DRC11: variants seen among roughly 807,000 people sequenced by gnomAD.
DRC11 encodes the protein dynein regulatory complex subunit 11, also known as IQ and AAA domain-containing protein 1.
At chr2:236,406,241 T>C in the DRC11 span, among the ~76,000 whole-genome samples, 11 of 152,358 alleles carry the variant, frequency 7.2e-5, no homozygotes, top group Non-Finnish European at 1.6e-4. The surrounding 1 kb of genome is among the most constrained non-coding windows in gnomAD (Gnocchi z 4.7). Context: ...CAGTCAGAGA[T>C]AAACCGTGCG....
At chr2:236,329,436 A>G in the DRC11 span, among the ~76,000 whole-genome samples, 3 of 152,362 alleles carry the variant, frequency 2.0e-5, no homozygotes, top group African/African-American at 7.2e-5. Context: ...AATACGTATT[A>G]GCTAACATTA....
At chr2:236,394,934 G>A in the DRC11 span, among the ~76,000 whole-genome samples, 1 of 152,214 alleles carries the variant, frequency 6.6e-6, no homozygotes, top group South Asian at 2.1e-4. This position sits in a 1 kb window ranked among gnomAD's most constrained non-coding sequence, Gnocchi z 7.0. Flanking sequence ...GGTGGCGCAA[G>A]GGCAGTTGGG....
chr2:236,338,300 G>A, the DRC11 span: 3 of 1,614,026 alleles, frequency 1.9e-6, no homozygotes, highest in East Asian at 2.2e-5. Context: ...ACGCCGTGTG[G>A]TCCCCACAAT....
the DRC11 span, among the ~76,000 whole-genome samples, chr2:236,481,890 T>G: frequency 6.7e-6 from 1 of 149,518 alleles, no homozygotes; most frequent in Non-Finnish European, 1.5e-5. Flanking sequence ...ATTCTACATA[T>G]TATATGTAGA....
the DRC11 span, among the ~76,000 whole-genome samples, chr2:236,427,093 T>A: frequency 6.6e-6 from 1 of 152,218 alleles, no homozygotes; most frequent in Non-Finnish European, 1.5e-5. This position sits in a 1 kb window ranked among gnomAD's most constrained non-coding sequence, Gnocchi z 5.9. Flanking sequence ...TTGATTTGGA[T>A]AGGCTGAACC....
the DRC11 span, among the ~76,000 whole-genome samples, chr2:236,471,906 A>C: frequency 6.6e-6 from 1 of 152,210 alleles, no homozygotes; most frequent in South Asian, 2.1e-4. This position sits in a 1 kb window ranked among gnomAD's most constrained non-coding sequence, Gnocchi z 4.6. Context: ...CCTAGAATGT[A>C]GACAAAAGAT....
the DRC11 span, among the ~76,000 whole-genome samples, chr2:236,401,093 C>T: frequency 6.6e-6 from 1 of 152,154 alleles, no homozygotes; most frequent in Non-Finnish European, 1.5e-5. This position sits in a 1 kb window ranked among gnomAD's most constrained non-coding sequence, Gnocchi z 4.6. Flanking sequence ...CACCGTTCCC[C>T]ACAGGACACA....
chr2:236,318,554 TA>T, the DRC11 span, among the ~76,000 whole-genome samples: 1 of 144,782 alleles, frequency 6.9e-6, no homozygotes, highest in Non-Finnish European at 1.5e-5. The surrounding 1 kb of genome is among the most constrained non-coding windows in gnomAD (Gnocchi z 7.0). Context: ...TGAGTGTGTG[TA>T]GGGAGTGGTC....
chr2:236,448,817 A>G, the DRC11 span, among the ~76,000 whole-genome samples: 4,393 of 152,012 alleles, frequency 0.029, 218 homozygotes, highest in East Asian at 0.15. The surrounding 1 kb of genome is among the most constrained non-coding windows in gnomAD (Gnocchi z 5.3). Flanking sequence ...TCATGTCTAG[A>G]CCAGGGCACC....
chr2:236,361,268 A>G, the DRC11 span, among the ~76,000 whole-genome samples: 1 of 152,212 alleles, frequency 6.6e-6, no homozygotes, highest in Non-Finnish European at 1.5e-5. The surrounding 1 kb of genome is among the most constrained non-coding windows in gnomAD (Gnocchi z 5.7). Flanking sequence ...AGATCAGAAA[A>G]AAGAAAATTT....
the DRC11 span, among the ~76,000 whole-genome samples, chr2:236,507,080 T>C: frequency 6.6e-6 from 1 of 151,874 alleles, no homozygotes; most frequent in African/African-American, 2.4e-5. Flanking sequence ...AAGAAGCAGA[T>C]ACTCTATCCC....
At chr2:236,479,131 T>C in the DRC11 span, among the ~76,000 whole-genome samples, 1 of 152,218 alleles carries the variant, frequency 6.6e-6, no homozygotes, top group Admixed American at 6.5e-5. This position sits in a 1 kb window ranked among gnomAD's most constrained non-coding sequence, Gnocchi z 4.1. Context: ...GGCCAGTTTG[T>C]AGTCTATTTT....
chr2:236,445,608 C>G, the DRC11 span, among the ~76,000 whole-genome samples: 3,491 of 151,812 alleles, frequency 0.023, 131 homozygotes, highest in African/African-American at 0.079. The surrounding 1 kb of genome is among the most constrained non-coding windows in gnomAD (Gnocchi z 4.8). Context: ...CCAAAGTGCT[C>G]GGATTATGGG....
chr2:236,330,018 C>A, the DRC11 span, among the ~76,000 whole-genome samples: 1 of 151,958 alleles, frequency 6.6e-6, no homozygotes, highest in African/African-American at 2.4e-5. This position sits in a 1 kb window ranked among gnomAD's most constrained non-coding sequence, Gnocchi z 5.5. Flanking sequence ...TCTAACTCCT[C>A]AAAATAAGGA....
the DRC11 span, among the ~76,000 whole-genome samples, chr2:236,495,988 C>T: frequency 1.9e-4 from 29 of 152,262 alleles, no homozygotes; most frequent in African/African-American, 6.7e-4. This position sits in a 1 kb window ranked among gnomAD's most constrained non-coding sequence, Gnocchi z 5.6. Context: ...CCACATAGAG[C>T]CCCAAATGCG....
At chr2:236,341,346 A>G in the DRC11 span, among the ~76,000 whole-genome samples, 1 of 152,198 alleles carries the variant, frequency 6.6e-6, no homozygotes, top group Non-Finnish European at 1.5e-5. Context: ...CGCAGGTGGG[A>G]GGAGACGCTA....
chr2:236,420,348 C>A, the DRC11 span, among the ~76,000 whole-genome samples: 1 of 152,216 alleles, frequency 6.6e-6, no homozygotes, highest in East Asian at 1.9e-4. The surrounding 1 kb of genome is among the most constrained non-coding windows in gnomAD (Gnocchi z 4.8). Flanking sequence ...TGTCAACTTA[C>A]TCCATCGTAC....
At chr2:236,423,369 C>T in the DRC11 span, among the ~76,000 whole-genome samples, 4 of 151,806 alleles carry the variant, frequency 2.6e-5, no homozygotes, top group African/African-American at 4.8e-5. Flanking sequence ...AAAAAAACAA[C>T]GCCATCAACA....
the DRC11 span, among the ~76,000 whole-genome samples, chr2:236,400,952 C>G: frequency 6.6e-6 from 1 of 152,186 alleles, no homozygotes; most frequent in Non-Finnish European, 1.5e-5. This position sits in a 1 kb window ranked among gnomAD's most constrained non-coding sequence, Gnocchi z 7.9. Flanking sequence ...GCCCTGGCCC[C>G]TTGCTCCAAG....
Sources: allele counts gnomAD v4.1 joint callset (sites outside exome capture counted in the v4.1 genomes callset), GRCh38; gene constraint gnomAD v4.1.1; non-coding constraint Gnocchi (gnomAD v3.1); transcripts MANE v1.5; gene names NCBI Gene and HGNC (gene_info 2026-07-23, HGNC 2026-07-21).